The following PLEKHA2 variants were observed in gnomAD, a reference collection of about 807,000 sequenced individuals.
The protein encoded by PLEKHA2 is pleckstrin homology domain containing A2.
In PLEKHA2, 28 loss-of-function variants were observed where a neutral mutation model predicts 53.2. The observed-to-expected ratio is 0.53, with a 90% CI of 0.39 to 0.72. PLEKHA2 has a LOEUF of 0.72. Among genes scored for constraint, PLEKHA2 ranks in the 30% least tolerant of loss-of-function variants. PLEKHA2 has a pLI of 0.00. For synonymous variants in PLEKHA2, 193 were observed against 196.4 expected (o/e 0.98, Z 0.14); for missense variants, 426 against 537.9 (o/e 0.79, Z 2.06).
At chr8:38,948,150 G>C (rs1834751389) in intron 5 of PLEKHA2, among the ~76,000 whole-genome samples, 3 of 151,798 alleles carry the variant, frequency 2.0e-5, no homozygotes, top group South Asian at 4.2e-4. Flanking sequence ...ATTCATCTGG[G>C]TCATTTAGGG....
chr8:38,908,466 G>C (rs1194397954), intron 1 of PLEKHA2, among the ~76,000 whole-genome samples: 1 of 152,206 alleles, frequency 6.6e-6, no homozygotes, highest in Non-Finnish European at 1.5e-5. Flanking sequence ...CTGGAGAATT[G>C]AGAAATTTAT....
intron 2 of PLEKHA2, among the ~76,000 whole-genome samples, chr8:38,925,098 T>G (rs1834261567): frequency 6.6e-6 from 1 of 152,234 alleles, no homozygotes; most frequent in South Asian, 2.1e-4. Context: ...TATTGTTGAC[T>G]GTAGGCACGA....
At chr8:38,957,264 A>C (rs564455524) in intron 9 of PLEKHA2, 59 bp from the exon 10 acceptor site, 1 of 1,402,504 alleles carries the variant, frequency 7.1e-7, no homozygotes, top group East Asian at 2.3e-5. Context: ...CTTAGGACAT[A>C]TCGAGTCCTC....
chr8:38,969,472 C>G lies in PLEKHA2; in HGVS notation c.967C>G (p.Leu323Val), dbSNP rs773441680. Residue 323 changes from leucine (L) to valine (V), a missense_variant, in exon 12 of 12, where the codon CTT becomes GTT. Leu to Val is a conservative substitution (Grantham distance 32). Transcript: ENST00000617275. ...ISLTRPGSSS[L>V]SSGPNSILCR... The stretch of plus-strand genomic sequence containing the variant: ...TTTGACCCGACCTGGAAGCTCCAGC[C>G]TTTCAAGTGGGCCCAACTCTATCCT... The G allele has an allele frequency of 1.2e-5, 20 of 1,613,896 alleles. No individual in the cohort carries two copies. The East Asian group carries it at 4.5e-4, about 36-fold the overall frequency.
chr8:38,913,663 G>A (rs965735269), intron 1 of PLEKHA2, among the ~76,000 whole-genome samples: 2 of 152,212 alleles, frequency 1.3e-5, no homozygotes, highest in African/African-American at 4.8e-5. Flanking sequence ...CACCCTTCCC[G>A]GAATGCTGAC....
At chr8:38,964,002 T>C (rs1835087199) in intron 10 of PLEKHA2, among the ~76,000 whole-genome samples, 1 of 152,240 alleles carries the variant, frequency 6.6e-6, no homozygotes, top group South Asian at 2.1e-4. Flanking sequence ...AAAATTATAA[T>C]ATTTAATTCT....
rs556834990 is a variant in PLEKHA2 at position 38,918,799 on chromosome 8, C to T, written c.141+729C>T. ...CATATACACACAGACTACACACATA[C>T]TATACACACCCATCCACACACACAC... On this transcript the variant is annotated intron_variant, in intron 2 of 11. Coordinates refer to ENST00000617275, the MANE Select transcript of PLEKHA2 (RefSeq NM_021623.2). Among the ~76,000 whole-genome samples the T allele has an allele frequency of 5.0e-3, 764 of 152,106 alleles. 4 individuals carry two copies. Among genetic ancestry groups the T allele is most frequent in the Middle Eastern group, 0.014 (4 of 294 alleles).
chr8:38,941,827 A>G (rs984142622), intron 3 of PLEKHA2, among the ~76,000 whole-genome samples: 2 of 152,242 alleles, frequency 1.3e-5, no homozygotes, highest in African/African-American at 4.8e-5. Flanking sequence ...AATGGAGGTC[A>G]TTCAGTTGGA....
intron 2 of PLEKHA2, among the ~76,000 whole-genome samples, chr8:38,928,231 C>G (rs578024442): frequency 7.3e-6 from 1 of 136,204 alleles, no homozygotes; most frequent in African/African-American, 2.7e-5. Flanking sequence ...GGCCTCTGAC[C>G]TGGTCTTTTT....
At chr8:38,928,499 T>C (rs1383956976) in intron 2 of PLEKHA2, among the ~76,000 whole-genome samples, 3 of 152,054 alleles carry the variant, frequency 2.0e-5, no homozygotes, top group African/African-American at 7.2e-5. Context: ...TCCACCCGCC[T>C]TGGCCTCCCA....
intron 10 of PLEKHA2, among the ~76,000 whole-genome samples, chr8:38,957,917 G>T (rs1348549476): frequency 1.3e-5 from 2 of 152,226 alleles, no homozygotes; most frequent in African/African-American, 4.8e-5. Context: ...TAGAAAGGCA[G>T]ATTTCCAAGC....
At chr8:38,910,343 G>A (rs1308701553) in intron 1 of PLEKHA2, among the ~76,000 whole-genome samples, 1 of 152,056 alleles carries the variant, frequency 6.6e-6, no homozygotes, top group Non-Finnish European at 1.5e-5. Flanking sequence ...GAGAAGAGAG[G>A]GAGAGAGAGA....
chr8:38,936,767 G>A (rs1043509197), intron 3 of PLEKHA2, among the ~76,000 whole-genome samples: 5 of 152,220 alleles, frequency 3.3e-5, no homozygotes, highest in Non-Finnish European at 7.3e-5. Flanking sequence ...CTGCTGACCC[G>A]TGATGCAGCG....
intron 4 of PLEKHA2, among the ~76,000 whole-genome samples, chr8:38,944,225 A>C (rs898144483): frequency 6.6e-6 from 1 of 152,092 alleles, no homozygotes; most frequent in Non-Finnish European, 1.5e-5. Flanking sequence ...TAAAAAGAGA[A>C]CAGGTTTGCC....
intron 2 of PLEKHA2, among the ~76,000 whole-genome samples, chr8:38,919,473 C>T (rs1281833668): frequency 6.6e-6 from 1 of 152,192 alleles, no homozygotes; most frequent in Non-Finnish European, 1.5e-5. Context: ...AGCAAGGTCA[C>T]AGGTCATGGC....
chr8:38,934,159 T>A (rs887445125), intron 2 of PLEKHA2, among the ~76,000 whole-genome samples: 29 of 151,222 alleles, frequency 1.9e-4, no homozygotes, highest in Admixed American at 1.3e-3. Flanking sequence ...AAGAAGAAAA[T>A]ATATATATAT....
chr8:38,932,409 G>A (rs952973999), intron 2 of PLEKHA2, among the ~76,000 whole-genome samples: 4 of 152,286 alleles, frequency 2.6e-5, no homozygotes, highest in African/African-American at 4.8e-5. Flanking sequence ...GGCTGGAGTC[G>A]GTTCAGGCTT....
At chr8:38,957,903 G>A (rs1564152349) in intron 10 of PLEKHA2, among the ~76,000 whole-genome samples, 1 of 152,218 alleles carries the variant, frequency 6.6e-6, no homozygotes, top group Non-Finnish European at 1.5e-5. Flanking sequence ...AAAGTCATAG[G>A]AACTAGAAAG....
At chr8:38,931,355 C>T (rs1834390075) in intron 2 of PLEKHA2, among the ~76,000 whole-genome samples, 1 of 152,330 alleles carries the variant, frequency 6.6e-6, no homozygotes, top group South Asian at 2.1e-4. Flanking sequence ...CCACCACCCA[C>T]CGGCTCCACT....
Sources: gnomAD v4.1 joint callset for allele counts (sites outside exome capture counted in the v4.1 genomes callset) on GRCh38, gnomAD v4.1.1 for gene constraint, MANE v1.5 for transcripts, NCBI Gene and HGNC (gene_info 2026-07-23, HGNC 2026-07-21) for gene names.